The following ACBD6 variants were observed in gnomAD, a reference collection of about 807,000 sequenced individuals.
ACBD6 encodes the protein acyl-CoA binding domain containing 6.
ACBD6 carries 28 observed loss-of-function variants against 37.2 expected under a neutral mutation model. The ratio of observed to expected loss-of-function variants is 0.75; its 90% CI spans 0.56 to 1.03. ACBD6 has a LOEUF of 1.03. Among genes scored for constraint, ACBD6 ranks in the 50% least tolerant of loss-of-function variants. The pLI is 0.00. For missense variants in ACBD6, 340 were observed against 337.4 expected, an observed-to-expected ratio of 1.01 and a Z score of -0.06; for synonymous variants, 113 against 126.8, an observed-to-expected ratio of 0.89 and a Z score of 0.73.
At chr1:180,285,526 T>C (rs2794966), downstream of ACBD6, among the ~76,000 whole-genome samples, 17,925 of 152,218 alleles carry the variant, frequency 0.12, 1,624 homozygotes, top group African/African-American at 0.25. Flanking sequence ...ACCTATTCTA[T>C]GATAAATATT....
At chr1:180,274,219 T>G (rs777542565) in intron 10 of ACBD6, 1 of 1,614,142 alleles carries the variant, frequency 6.2e-7, no homozygotes, top group South Asian at 1.1e-5. Flanking sequence ...GCCACACCAA[T>G]AGGATTTATG....
intron 3 of ACBD6, among the ~76,000 whole-genome samples, chr1:180,458,196 C>G (rs1490488652): frequency 6.6e-6 from 1 of 152,186 alleles, no homozygotes; most frequent in East Asian, 1.9e-4. Context: ...GATTCAGCAA[C>G]TGGAATGTTT....
intron 6 of ACBD6, among the ~76,000 whole-genome samples, chr1:180,387,090 T>C (rs900397650): frequency 3.9e-5 from 6 of 152,220 alleles, no homozygotes; most frequent in African/African-American, 1.4e-4. Context: ...GTTCCAATAA[T>C]AATTTCATTT....
intron 6 of ACBD6, among the ~76,000 whole-genome samples, chr1:180,367,686 C>CCAG (rs1285871712): frequency 3.3e-5 from 5 of 152,138 alleles, no homozygotes; most frequent in African/African-American, 1.2e-4. Context: ...GTAATAGCCT[C>CCAG]CAGCTCCATC....
At chr1:180,382,388 T>C (rs759937293) in intron 6 of ACBD6, among the ~76,000 whole-genome samples, 9 of 151,652 alleles carry the variant, frequency 5.9e-5, no homozygotes, top group South Asian at 2.1e-4. Context: ...ACTGATACCA[T>C]AGAAATACAA....
intron 6 of ACBD6, among the ~76,000 whole-genome samples, chr1:180,382,402 A>G (rs1485228644): frequency 3.3e-5 from 5 of 152,092 alleles, no homozygotes; most frequent in African/African-American, 1.2e-4. Context: ...AATACAAAGG[A>G]TCAACAGAGA....
At chr1:180,313,591 G>A (rs138936763) in intron 7 of ACBD6, among the ~76,000 whole-genome samples, 47 of 152,288 alleles carry the variant, frequency 3.1e-4, no homozygotes, top group African/African-American at 1.0e-3. Flanking sequence ...TTACTGAATC[G>A]CAGTCTAAGG....
downstream of ACBD6, among the ~76,000 whole-genome samples, chr1:180,284,985 A>G (rs997000278): frequency 6.6e-6 from 1 of 151,982 alleles, no homozygotes; most frequent in Non-Finnish European, 1.5e-5. Flanking sequence ...GAAAAAAAGA[A>G]ATTAGTTGAG....
At chr1:180,501,878 G>A (rs1651992073) in intron 1 of ACBD6, among the ~76,000 whole-genome samples, 167 bp downstream of exon 1, 1 of 149,424 alleles carries the variant, frequency 6.7e-6, no homozygotes. Flanking sequence ...TCCACGTTCA[G>A]GATGATGCTC....
chr1:180,306,693 T>C (rs550289333), intron 7 of ACBD6, among the ~76,000 whole-genome samples: 1 of 152,348 alleles, frequency 6.6e-6, no homozygotes, highest in African/African-American at 2.4e-5. Context: ...CACAGATTAT[T>C]ACTAACCAGA....
chr1:180,304,221 A>G (rs1226260106), intron 7 of ACBD6, among the ~76,000 whole-genome samples: 3 of 150,186 alleles, frequency 2.0e-5, no homozygotes, highest in African/African-American at 4.9e-5. Context: ...CTCTCTCACC[A>G]CTCCTATTCA....
chr1:180,278,832 A>C (rs1316353881), intron 9 of ACBD6: 1 of 149,648 alleles, frequency 6.7e-6, no homozygotes, highest in Non-Finnish European at 1.5e-5. Context: ...AAAAAAAAGA[A>C]AAAAAGAAAA....
At chr1:180,458,621 A>G (rs926905278) in intron 3 of ACBD6, among the ~76,000 whole-genome samples, 1 of 152,228 alleles carries the variant, frequency 6.6e-6, no homozygotes, top group Admixed American at 6.5e-5. Flanking sequence ...AACCATAGGT[A>G]GGAACAGTAA....
intron 5 of ACBD6, among the ~76,000 whole-genome samples, chr1:180,409,030 A>G (rs2101967472): frequency 6.6e-6 from 1 of 152,108 alleles, no homozygotes; most frequent in East Asian, 1.9e-4. Context: ...GGTAGTGCAC[A>G]CCTGTGGTCC....
At chr1:180,497,270 C>T (rs964898780) in intron 1 of ACBD6, among the ~76,000 whole-genome samples, 11 of 152,126 alleles carry the variant, frequency 7.2e-5, no homozygotes, top group Admixed American at 5.9e-4. Flanking sequence ...CATGATCATC[C>T]GGCTAAACAT....
intron 6 of ACBD6, among the ~76,000 whole-genome samples, chr1:180,358,429 A>C (rs1652710967): frequency 1.3e-5 from 2 of 148,438 alleles, no homozygotes; most frequent in African/African-American, 5.0e-5. Flanking sequence ...TCCGTCTCAA[A>C]AACAACAACA....
chr1:180,316,452 G>T (rs1650817549), intron 6 of ACBD6, among the ~76,000 whole-genome samples: 1 of 151,980 alleles, frequency 6.6e-6, no homozygotes, highest in Non-Finnish European at 1.5e-5. Context: ...TTAATCTACT[G>T]CAATTTCAGG....
chr1:180,300,520 T>A (rs1382651678), intron 7 of ACBD6, among the ~76,000 whole-genome samples: 1 of 152,130 alleles, frequency 6.6e-6, no homozygotes, highest in Non-Finnish European at 1.5e-5. Flanking sequence ...AAACTTAAAA[T>A]AGTAATTTTT....
chr1:180,396,296 T>G (rs1654257145), intron 6 of ACBD6, among the ~76,000 whole-genome samples: 1 of 152,128 alleles, frequency 6.6e-6, no homozygotes, highest in South Asian at 2.1e-4. Flanking sequence ...AATGGTAAAT[T>G]TTATGCTATG....
Sources: gnomAD v4.1 joint callset for allele counts (sites outside exome capture counted in the v4.1 genomes callset) on GRCh38, gnomAD v4.1.1 for gene constraint, MANE v1.5 for transcripts, NCBI Gene and HGNC (gene_info 2026-07-23, HGNC 2026-07-21) for gene names.